RBMS3: variants seen among roughly 807,000 people sequenced by gnomAD.
RBMS3 encodes RNA-binding motif, single-stranded-interacting protein 3.
A neutral mutation model predicts 66.8 loss-of-function variants in RBMS3; 27 were observed. The ratio of observed to expected loss-of-function variants is 0.40; its 90% CI spans 0.30 to 0.56. RBMS3 has a LOEUF of 0.56. RBMS3 is among the 20% of genes least tolerant of loss of function. The pLI, the probability that RBMS3 is intolerant of heterozygous loss-of-function variation, is 0.40. For missense variants in RBMS3, 513 were observed against 549.5 expected (o/e 0.93, Z 0.66); for synonymous variants, 188 against 183.0 (o/e 1.03, Z -0.22).
intron 4 of RBMS3, among the ~76,000 whole-genome samples, chr3:29,686,534 A>G (rs2149267285): frequency 1.3e-5 from 2 of 152,256 alleles, no homozygotes; most frequent in South Asian, 4.1e-4. Flanking sequence ...AAATAAAATT[A>G]AAAAGCCAGA....
rs148411441 is a variant in RBMS3, at chr3:29,955,798, T to C, written c.1098+11544T>C. On this transcript the variant is annotated intron_variant, in intron 12 of 14. Transcript: ENST00000383767. ...GCACCTAGCTTATTTTCTTACCTAA[T>C]GGACACAGTGACTTGTATAAATCAT... 3.4e-3 allele frequency among the ~76,000 whole-genome samples: 515 copies of C among 152,196 alleles called. 5 individuals are homozygous for C. The highest frequency in any genetic ancestry group is 0.012 in the African/African-American group (504 of 41,572).
At chr3:29,812,242 A>G (rs1244822535) in intron 6 of RBMS3, among the ~76,000 whole-genome samples, 1 of 152,180 alleles carries the variant, frequency 6.6e-6, no homozygotes, top group African/African-American at 2.4e-5. Context: ...TAAAAATATA[A>G]GAATAGGTCA....
At chr3:29,552,869 A>G (rs12633736) in intron 3 of RBMS3, among the ~76,000 whole-genome samples, 9,536 of 152,166 alleles carry the variant, frequency 0.063, 329 homozygotes, top group South Asian at 0.14. Flanking sequence ...AGTAAATGGT[A>G]TCTCTAAATA....
intron 4 of RBMS3, among the ~76,000 whole-genome samples, chr3:29,589,613 C>A (rs2047654519): frequency 6.6e-6 from 1 of 152,062 alleles, no homozygotes; most frequent in African/African-American, 2.4e-5. Context: ...ACAAGCTTGA[C>A]CACCACTGTA....
chr3:29,643,076 T>C (rs2049785637), intron 4 of RBMS3, among the ~76,000 whole-genome samples: 1 of 152,168 alleles, frequency 6.6e-6, no homozygotes, highest in Non-Finnish European at 1.5e-5. Context: ...TCATGTTTTA[T>C]TATTAAGAAA....
In RBMS3 at chr3:29,895,111, T is replaced by G. The variant is rs146832283; in HGVS notation, c.792-2268T>G. 1.3e-4 allele frequency among the ~76,000 whole-genome samples: 20 copies of G among 151,716 alleles called. No homozygotes were observed. The East Asian group carries it at 2.9e-3, about 22-fold the overall frequency. On this transcript the variant is annotated intron_variant, in intron 8 of 14. Coordinates refer to ENST00000383767, the MANE Select transcript of RBMS3 (RefSeq NM_001003793.3). ...AGCCTATGGAGAGCTTTAGGCTGAT[T>G]AATACACAAATACAGTACAATTTAA...
chr3:29,654,452 A>C (rs1332201550), intron 4 of RBMS3, among the ~76,000 whole-genome samples: 1 of 151,990 alleles, frequency 6.6e-6, no homozygotes, highest in African/African-American at 2.4e-5. Context: ...CCTGAAATGC[A>C]GAAATATGGA....
chr3:29,545,535 C>T (rs1655405320), intron 3 of RBMS3, among the ~76,000 whole-genome samples: 1 of 152,116 alleles, frequency 6.6e-6, no homozygotes, highest in Admixed American at 6.5e-5. Context: ...GGAATTCACA[C>T]CCTTAGACTA....
rs146606378 is a variant in RBMS3, at chr3:29,953,648, C to A, written c.1098+9394C>A. Among the ~76,000 whole-genome samples, 110 of 151,968 alleles carry A rather than the reference C, an allele frequency of 7.2e-4. 2 individuals carry two copies. The highest frequency in any genetic ancestry group is 6.8e-3 in the Middle Eastern group (2 of 294). On this transcript the variant is annotated intron_variant, in intron 12 of 14. Transcript: ENST00000383767. ...CATCACATACATACTATGTTCTAGG[C>A]ACTGTTCTTAGTGCTCTACGTGAAT...
rs66580293 is a variant in RBMS3, at chr3:29,689,917, C to CAAAAAA, written c.400-49770_400-49765dup. 3.5e-3 allele frequency among the ~76,000 whole-genome samples: 97 copies of CAAAAAA among 27,706 alleles called. 8 individuals are homozygous for CAAAAAA. The highest frequency in any genetic ancestry group is 5.1e-3 in the Non-Finnish European group (66 of 12,978). 18.2% of individuals were successfully genotyped at this position (27,706 alleles called of 152,430 possible). Reference sequence around the variant, plus strand: ...CAACATAGCAAGATCCTATCTCTACCAAAAAAAAAAAAAAAAAAAAAAAAA... The same window carrying CAAAAAA: ...CAACATAGCAAGATCCTATCTCTACCAAAAAAAAAAAAAAAAAAAAAAAAAAAAAAA... On this transcript the variant is annotated intron_variant, in intron 4 of 14. Transcript: ENST00000383767.
At chr3:29,388,603 C>T (rs1299304193) in intron 1 of RBMS3, among the ~76,000 whole-genome samples, 2 of 152,200 alleles carry the variant, frequency 1.3e-5, no homozygotes, top group Non-Finnish European at 2.9e-5. Context: ...GAGGCAGAGT[C>T]TTGCTCTGTC....
chr3:29,287,563 C>T (rs2032459889), intron 1 of RBMS3, among the ~76,000 whole-genome samples: 2 of 151,920 alleles, frequency 1.3e-5, no homozygotes, highest in South Asian at 4.2e-4. Context: ...CTTTTCTTAC[C>T]AGTGTTAAAA....
intron 3 of RBMS3, among the ~76,000 whole-genome samples, chr3:29,580,252 T>C (rs2047278295): frequency 6.6e-6 from 1 of 152,224 alleles, no homozygotes. Context: ...GTTGCCATTT[T>C]AAAATACTAG....
At chr3:29,994,234 T>C (rs1302901657) in intron 14 of RBMS3, among the ~76,000 whole-genome samples, 1 of 152,162 alleles carries the variant, frequency 6.6e-6, no homozygotes, top group Non-Finnish European at 1.5e-5. Flanking sequence ...GCTTAAAAAA[T>C]GGCGCACCAC....
At chr3:29,552,153 G>T (rs2046200393) in intron 3 of RBMS3, among the ~76,000 whole-genome samples, 2 of 152,164 alleles carry the variant, frequency 1.3e-5, no homozygotes, top group Non-Finnish European at 2.9e-5. Flanking sequence ...ATGGCTTTTG[G>T]AGGTGAAAGG....
At chr3:29,470,431 A>G (rs1300232488) in intron 2 of RBMS3, among the ~76,000 whole-genome samples, 2 of 152,074 alleles carry the variant, frequency 1.3e-5, no homozygotes, top group African/African-American at 4.8e-5. Flanking sequence ...TTAAATAGCT[A>G]TATCAGTTAT....
chr3:29,971,160 C>G (rs1697203758), intron 12 of RBMS3, among the ~76,000 whole-genome samples: 2 of 152,246 alleles, frequency 1.3e-5, no homozygotes, highest in Admixed American at 6.5e-5. Context: ...TGCCTCCTCT[C>G]TTGGACTCAC....
chr3:29,613,027 G>A (rs2048543618), intron 4 of RBMS3, among the ~76,000 whole-genome samples: 1 of 151,960 alleles, frequency 6.6e-6, no homozygotes, highest in African/African-American at 2.4e-5. Flanking sequence ...TTAGCACCAG[G>A]GCTGCATTCG....
At chr3:29,440,555 C>T (rs1438339) in intron 2 of RBMS3, among the ~76,000 whole-genome samples, 48,725 of 152,106 alleles carry the variant, frequency 0.32, 10,350 homozygotes, top group African/African-American at 0.57. Flanking sequence ...TTGCTCAAGT[C>T]ATGACACCCT....
Sources: gnomAD v4.1 joint callset for allele counts (sites outside exome capture counted in the v4.1 genomes callset) on GRCh38, gnomAD v4.1.1 for gene constraint, MANE v1.5 for transcripts, NCBI Gene and HGNC (gene_info 2026-07-23, HGNC 2026-07-21) for gene names.